The following XPR1 variants were observed in gnomAD, a reference collection of about 807,000 sequenced individuals.
XPR1 encodes the protein solute carrier family 53 member 1.
In XPR1, 28 loss-of-function variants were observed where a neutral mutation model predicts 87.5. That is an observed-to-expected ratio of 0.32 (90% CI 0.24 to 0.44). XPR1 has a LOEUF of 0.44. Ranked by LOEUF, XPR1 falls within the 20% of genes least tolerant of loss-of-function variation. The probability of loss-of-function intolerance (pLI) is 1.00; values close to 1 mark genes in which losing one functional copy is unlikely to be tolerated. For missense variants in XPR1, 559 were observed against 862.3 expected (o/e 0.65, Z 4.41); for synonymous variants, 300 against 306.1 (o/e 0.98, Z 0.21).
chr1:180,851,059 T>C (rs1651853358), intron 11 of XPR1, among the ~76,000 whole-genome samples: 1 of 152,204 alleles, frequency 6.6e-6, no homozygotes, highest in African/African-American at 2.4e-5. Context: ...AAATTGTGTC[T>C]TTTCCAGGAG....
chr1:180,884,175 A>G lies in XPR1; in HGVS notation c.*109A>G, dbSNP rs1652933915. The G allele has an allele frequency of 1.1e-6, 1 of 897,366 alleles. No homozygotes were observed. The highest frequency in any genetic ancestry group is 1.7e-5 in the African/African-American group (1 of 58,650). 55.6% of individuals were successfully genotyped at this position (897,366 alleles called of 1,614,324 possible). ...AGCCGAAAACAGGAGAAAACACATAACACATTTTCCGAGCTCTTCCGGATC... is the reference window on the plus strand; with the variant it reads ...AGCCGAAAACAGGAGAAAACACATAGCACATTTTCCGAGCTCTTCCGGATC... On this transcript the variant is annotated 3_prime_UTR_variant, in exon 15 of 15. Transcript: ENST00000367590.
chr1:180,844,877 C>A (rs1272656626), intron 11 of XPR1, among the ~76,000 whole-genome samples: 1 of 152,198 alleles, frequency 6.6e-6, no homozygotes, highest in African/African-American at 2.4e-5. Flanking sequence ...TATCTGCTAT[C>A]CTCCAAAGGC....
At position 180,732,821 on chromosome 1, in the gene XPR1, C is replaced by T. The variant is rs112790679; in HGVS notation, c.121+50410C>T. Among the ~76,000 whole-genome samples the T allele has an allele frequency of 4.4e-3, 670 of 152,302 alleles. 4 individuals carry two copies. The highest frequency in any genetic ancestry group is 7.5e-3 in the Non-Finnish European group (507 of 68,026). ...GGTCTTTCTGTATCCCAGTTCTTAC[C>T]TTGGTGTACAGGAAGAATCGGATCA... On this transcript the variant is annotated intron_variant, in intron 2 of 14. Coordinates refer to ENST00000367590, the MANE Select transcript of XPR1 (RefSeq NM_004736.4).
intron 11 of XPR1, among the ~76,000 whole-genome samples, chr1:180,842,567 C>T (rs1023436330): frequency 6.6e-6 from 1 of 152,160 alleles, no homozygotes; most frequent in African/African-American, 2.4e-5. Context: ...ATTCACATTT[C>T]ATTACATGGC....
chr1:180,781,659 CT>C (rs545300898), intron 2 of XPR1, among the ~76,000 whole-genome samples: 1 of 148,980 alleles, frequency 6.7e-6, no homozygotes, highest in Non-Finnish European at 1.5e-5. Flanking sequence ...CACTTGTTTG[CT>C]TTTTTTTAAA....
intron 14 of XPR1, among the ~76,000 whole-genome samples, chr1:180,882,160 T>C (rs1484210052): frequency 6.6e-6 from 1 of 152,130 alleles, no homozygotes; most frequent in East Asian, 1.9e-4. Context: ...TCTTTGGCAA[T>C]AGATTATTCT....
chr1:180,803,856 A>T (rs1649883785), intron 4 of XPR1, among the ~76,000 whole-genome samples: 1 of 152,170 alleles, frequency 6.6e-6, no homozygotes, highest in Admixed American at 6.5e-5. Flanking sequence ...ATATTTAGGG[A>T]TAGTCCACAA....
At chr1:180,691,286 A>G (rs1329796604) in intron 2 of XPR1, among the ~76,000 whole-genome samples, 4 of 152,160 alleles carry the variant, frequency 2.6e-5, no homozygotes, top group South Asian at 4.1e-4. Context: ...AAATTGGCAT[A>G]GATTTGAAAG....
Position 180,887,585 on chromosome 1 carries a change from ACC to A in XPR1, c.*3521_*3522del, listed in dbSNP as rs2102235099. ...TTGTAAGATTGGAAAGTAGTCAAAAACCCATGTGCAACTTTTTTTCAGCACTC... is the reference window on the plus strand; with the variant it reads ...TTGTAAGATTGGAAAGTAGTCAAAAACATGTGCAACTTTTTTTCAGCACTC... On this transcript the variant is annotated 3_prime_UTR_variant, in exon 15 of 15. Coordinates refer to ENST00000367590, the MANE Select transcript of XPR1 (RefSeq NM_004736.4). 1 of 152,302 alleles carries A rather than the reference ACC, an allele frequency of 6.6e-6. No individual in the cohort carries two copies. Among genetic ancestry groups the A allele is most frequent in the African/African-American group, 2.4e-5 (1 of 41,552 alleles). The allele number at this position is 152,302 out of a possible 1,614,324, so 9.4% of individuals were successfully genotyped here.
chr1:180,825,180 G>C lies in XPR1; in HGVS notation c.970G>C (p.Gly324Arg). ...QHLFEIAGFL[G>R]ILWCLSLLAC... Reference sequence around the variant, plus strand: ...CCTTTACTAGATTGCTGGATTCCTCGGGATATTGTGGTGCCTGAGCCTTCT... The same window carrying C: ...CCTTTACTAGATTGCTGGATTCCTCCGGATATTGTGGTGCCTGAGCCTTCT... Residue 324 changes from glycine (G) to arginine (R), a missense_variant, in exon 9 of 15, where the codon GGG becomes CGG. Around this residue, in one of 7 missense-constraint regions of XPR1, gnomAD observed 264 missense variants for 377.2 expected, o/e 0.70. Coordinates refer to ENST00000367590, the MANE Select transcript of XPR1 (RefSeq NM_004736.4). 6.2e-7 allele frequency: 1 copy of C among 1,608,524 alleles called. No individual in the cohort carries two copies. The highest frequency in any genetic ancestry group is 8.5e-7 in the Non-Finnish European group (1 of 1,178,456).
chr1:180,653,293 G>A (rs1655351823), intron 1 of XPR1, among the ~76,000 whole-genome samples: 2 of 152,166 alleles, frequency 1.3e-5, no homozygotes, highest in Admixed American at 6.6e-5. Flanking sequence ...TTGGGAGGTG[G>A]AAGGTGATGT....
At chr1:180,690,245 G>A (rs948419846) in intron 2 of XPR1, among the ~76,000 whole-genome samples, 1 of 151,956 alleles carries the variant, frequency 6.6e-6, no homozygotes, top group African/African-American at 2.4e-5. Flanking sequence ...AATTTTCAGA[G>A]GATAGAAGAA....
chr1:180,669,953 G>A (rs1656106155), intron 1 of XPR1, among the ~76,000 whole-genome samples: 1 of 152,176 alleles, frequency 6.6e-6, no homozygotes, highest in South Asian at 2.1e-4. Flanking sequence ...TGTGGAAAGT[G>A]AAACTGTATG....
intron 2 of XPR1, among the ~76,000 whole-genome samples, chr1:180,780,501 G>T (rs1648891851): frequency 6.6e-6 from 1 of 152,030 alleles, no homozygotes; most frequent in African/African-American, 2.4e-5. Flanking sequence ...TTAAAAATTT[G>T]GTTATATGTC....
intron 1 of XPR1, among the ~76,000 whole-genome samples, chr1:180,639,644 G>A (rs77664355): frequency 9.4e-4 from 143 of 152,238 alleles, no homozygotes; most frequent in Non-Finnish European, 1.5e-3. Context: ...TGTTAAAGTC[G>A]TAATTCATAG....
At chr1:180,657,440 T>A (rs1337877732) in intron 1 of XPR1, among the ~76,000 whole-genome samples, 1 of 147,256 alleles carries the variant, frequency 6.8e-6, no homozygotes, top group African/African-American at 2.7e-5. Context: ...GATTTAAGCC[T>A]TTAATCCACT....
At position 180,759,204 on chromosome 1, in the gene XPR1, G is replaced by T. The variant is rs1347369904; in HGVS notation, c.122-28549G>T. On this transcript the variant is annotated intron_variant, in intron 2 of 14. Transcript: ENST00000367590. The stretch of plus-strand genomic sequence containing the variant: ...TGACACCCTAACATCACAATAAAAA[G>T]AACTAAAAAAGCAAGAGCAAACACA... Among the ~76,000 whole-genome samples the T allele has an allele frequency of 3.3e-5, 5 of 152,144 alleles. 1 individual carries two copies. The highest frequency in any genetic ancestry group is 1.2e-4 in the African/African-American group (5 of 41,514).
At chr1:180,673,725 A>G (rs1024537293) in intron 1 of XPR1, among the ~76,000 whole-genome samples, 2 of 152,214 alleles carry the variant, frequency 1.3e-5, no homozygotes, top group African/African-American at 4.8e-5. Flanking sequence ...TCTGAAGTGG[A>G]ACAGTTTCAT....
At chr1:180,645,768 G>A (rs912940559) in intron 1 of XPR1, among the ~76,000 whole-genome samples, 1 of 152,108 alleles carries the variant, frequency 6.6e-6, no homozygotes. Context: ...TATTGTTCAG[G>A]TGACATTTTT....
Sources: allele counts gnomAD v4.1 joint callset (sites outside exome capture counted in the v4.1 genomes callset), GRCh38; gene constraint gnomAD v4.1.1; regional missense constraint gnomAD v4.1.1; transcripts MANE v1.5; gene names NCBI Gene and HGNC (gene_info 2026-07-23, HGNC 2026-07-21).